The following NBDY variants were observed in gnomAD, a reference collection of about 807,000 sequenced individuals.
NBDY encodes negative regulator of P-body association.
rs1602673332 is a variant in NBDY at position 56,818,237 on chromosome X, A to G, written c.*1084A>G. ...CTTGGCTTATAAATTAAAATATAAA[A>G]TAATAATACAATTTGTTCAAATAAG... On this transcript the variant is annotated 3_prime_UTR_variant, in exon 3 of 3. Transcript: ENST00000374922. The G allele has an allele frequency of 1.8e-5, 2 of 111,903 alleles. No homozygotes were observed. Among genetic ancestry groups the G allele is most frequent in the South Asian group, 7.3e-4 (2 of 2,728 alleles). The allele number at this position is 111,903 out of a possible 1,213,427, so 9.2% of individuals were successfully genotyped here. A position where few individuals can be genotyped will look rare whatever the true frequency, so the allele number is the denominator to read the frequency against.
intron 2 of NBDY, among the ~76,000 whole-genome samples, chrX:56,741,323 A>G (rs1287741850): frequency 8.9e-6 from 1 of 111,782 alleles, no homozygotes; most frequent in Non-Finnish European, 1.9e-5. Flanking sequence ...TATCTCTTTG[A>G]TAATACTGAT....
At chrX:56,731,734 T>A (rs1222138304) in intron 1 of NBDY, among the ~76,000 whole-genome samples, 6 of 111,617 alleles carry the variant, frequency 5.4e-5, no homozygotes, top group African/African-American at 2.0e-4. Context: ...ATGTGCCAAT[T>A]TTCTAAAGGG....
chrX:56,753,349 G>A (rs931344456), intron 2 of NBDY, among the ~76,000 whole-genome samples: 1 of 112,304 alleles, frequency 8.9e-6, no homozygotes, highest in Admixed American at 9.4e-5. Context: ...TAAATAGGAG[G>A]CATTCAGGTG....
chrX:56,791,903 T>C (rs1050361752), intron 2 of NBDY, among the ~76,000 whole-genome samples: 26 of 110,767 alleles, frequency 2.3e-4, no homozygotes, highest in African/African-American at 8.5e-4. Context: ...TTGTTGTTGT[T>C]CTTCTTCTTC....
At chrX:56,746,393 C>A (rs1260024955) in intron 2 of NBDY, among the ~76,000 whole-genome samples, 1 of 111,300 alleles carries the variant, frequency 9.0e-6, no homozygotes. Context: ...GCATCTGGGT[C>A]TTCTGTCTCT....
intron 2 of NBDY, among the ~76,000 whole-genome samples, chrX:56,790,998 G>A (rs907507005): frequency 2.7e-5 from 3 of 112,449 alleles, no homozygotes; most frequent in Non-Finnish European, 3.8e-5. Context: ...AGGGGCTGAC[G>A]CTTTCTCTTG....
At position 56,739,317 on chromosome X, in the gene NBDY, G is replaced by A. The variant is rs996715674; in HGVS notation, c.*166+7118G>A. Reference sequence around the variant, plus strand: ...ATATATATAGAGAGAGAGAGAGAGAGAGAAACTGTCTCTCACTTTTATTTC... The same window carrying A: ...ATATATATAGAGAGAGAGAGAGAGAAAGAAACTGTCTCTCACTTTTATTTC... On this transcript the variant is annotated intron_variant, in intron 2 of 2. Transcript: ENST00000374922. Among the ~76,000 whole-genome samples the A allele has an allele frequency of 1.8e-4, 17 of 93,652 alleles. No individual in the cohort carries two copies. The South Asian group carries it at 8.5e-3, about 47-fold the overall frequency. 81.3% of individuals were successfully genotyped at this position (93,652 alleles called of 115,157 possible).
At chrX:56,736,360 G>T (rs1239286762) in intron 2 of NBDY, among the ~76,000 whole-genome samples, 9 of 111,956 alleles carry the variant, frequency 8.0e-5, no homozygotes, top group Non-Finnish European at 1.5e-4. Context: ...CGCCCCCCGG[G>T]GTCAAGCAAT....
At chrX:56,814,725 C>T (rs1234671717) in intron 2 of NBDY, among the ~76,000 whole-genome samples, 1 of 111,036 alleles carries the variant, frequency 9.0e-6, no homozygotes, top group Non-Finnish European at 1.9e-5. Context: ...CATCTCTTGA[C>T]CTCGTGATCT....
chrX:56,797,348 C>T (rs2069798280), intron 2 of NBDY, among the ~76,000 whole-genome samples: 1 of 103,231 alleles, frequency 9.7e-6, no homozygotes, highest in African/African-American at 3.6e-5. Context: ...TCTTTCTTTC[C>T]TTTTTTTTTC....
chrX:56,782,966 C>T (rs1275732036), intron 2 of NBDY, among the ~76,000 whole-genome samples: 3 of 112,674 alleles, frequency 2.7e-5, no homozygotes, highest in Non-Finnish European at 5.6e-5. Flanking sequence ...AGCGGACACA[C>T]ACACAGATAC....
intron 2 of NBDY, among the ~76,000 whole-genome samples, chrX:56,755,351 G>A (rs2069604528): frequency 8.9e-6 from 1 of 112,096 alleles, no homozygotes; most frequent in Admixed American, 9.4e-5. Flanking sequence ...GAGTGAACAG[G>A]CAACCTACAA....
At chrX:56,763,650 C>G (rs1248942027) in intron 2 of NBDY, among the ~76,000 whole-genome samples, 1 of 111,894 alleles carries the variant, frequency 8.9e-6, no homozygotes, top group Non-Finnish European at 1.9e-5. Flanking sequence ...ACTTTCTGCA[C>G]GGGCAAGAGC....
At chrX:56,763,659 G>C (rs183639304) in intron 2 of NBDY, among the ~76,000 whole-genome samples, 1 of 112,189 alleles carries the variant, frequency 8.9e-6, no homozygotes, top group Non-Finnish European at 1.9e-5. Context: ...ACGGGCAAGA[G>C]CCATGAAACC....
At chrX:56,786,635 G>GGTTCTTTTT (rs1364701085) in intron 2 of NBDY, among the ~76,000 whole-genome samples, 2 of 105,508 alleles carry the variant, frequency 1.9e-5, no homozygotes, top group African/African-American at 7.0e-5. Flanking sequence ...CCTTCTTTCT[G>GGTTCTTTTT]CTTCTTCTTT....
At chrX:56,782,076 G>A (rs773144476) in intron 2 of NBDY, among the ~76,000 whole-genome samples, 3 of 111,160 alleles carry the variant, frequency 2.7e-5, no homozygotes, top group East Asian at 2.8e-4. Flanking sequence ...GAAGCTTCTC[G>A]TTTGTATGTC....
At chrX:56,735,584 C>T (rs904570455) in intron 2 of NBDY, among the ~76,000 whole-genome samples, 26 of 111,775 alleles carry the variant, frequency 2.3e-4, no homozygotes, top group Non-Finnish European at 4.1e-4. Context: ...CCTCCACCCA[C>T]CCGGCTCCCT....
chrX:56,736,121 G>A (rs1266238346), intron 2 of NBDY, among the ~76,000 whole-genome samples: 5 of 111,326 alleles, frequency 4.5e-5, no homozygotes, highest in East Asian at 5.6e-4. Context: ...CATTCCTGCC[G>A]CACGCAGCAA....
intron 2 of NBDY, among the ~76,000 whole-genome samples, chrX:56,746,494 GA>G (rs1341243770): frequency 2.7e-5 from 3 of 111,016 alleles, no homozygotes; most frequent in African/African-American, 9.8e-5. Flanking sequence ...AAATTTAAAA[GA>G]ACATATTTAT....
Sources: gnomAD v4.1 joint callset for allele counts (sites outside exome capture counted in the v4.1 genomes callset) on GRCh38, gnomAD v4.1.1 for gene constraint, MANE v1.5 for transcripts, NCBI Gene and HGNC (gene_info 2026-07-23, HGNC 2026-07-21) for gene names.